The following TJP3 variants were observed in gnomAD, a reference collection of about 807,000 sequenced individuals.
TJP3 encodes tight junction protein 3.
TJP3 carries 85 observed loss-of-function variants against 104.2 expected under a neutral mutation model. The ratio of observed to expected loss-of-function variants is 0.82; its 90% CI spans 0.68 to 0.98. The LOEUF (loss-of-function observed/expected upper bound fraction) is 0.98, where lower values mean the gene tolerates loss of function less well. TJP3 is among the 50% of genes least tolerant of loss of function. TJP3 has a pLI of 0.00. For synonymous variants in TJP3, 550 were observed against 550.6 expected (o/e 1.00, Z 0.02); for missense variants, 1,367 against 1,322.8 (o/e 1.03, Z -0.52).
intron 6 of TJP3, among the ~76,000 whole-genome samples, chr19:3,732,658 C>T (rs112273250): frequency 0.097 from 14,741 of 151,938 alleles, 1,019 homozygotes; most frequent in South Asian, 0.25. Context: ...TACAGGTGCC[C>T]GCCACCACAC....
intron 6 of TJP3, among the ~76,000 whole-genome samples, chr19:3,732,865 G>T (rs2036689902): frequency 6.6e-6 from 1 of 151,508 alleles, no homozygotes; most frequent in African/African-American, 2.4e-5. Context: ...GGCTGGTCTC[G>T]AACTCCCGAC....
intron 1 of TJP3, among the ~76,000 whole-genome samples, 151 bp downstream of exon 1, chr19:3,708,712 G>A (rs905485487): frequency 2.0e-5 from 3 of 152,216 alleles, no homozygotes; most frequent in South Asian, 4.1e-4. Flanking sequence ...ACACTCCTGC[G>A]TGGGCATCTG....
intron 20 of TJP3, 72 bp downstream of exon 20, chr19:3,750,256 T>C: frequency 6.3e-7 from 1 of 1,597,132 alleles, no homozygotes; most frequent in Non-Finnish European, 8.6e-7. Flanking sequence ...GACTCAGATC[T>C]AGATCCAAGC....
At position 3,747,869 on chromosome 19, in the gene TJP3, G is replaced by A. The variant is rs776298852; in HGVS notation, c.2398G>A (p.Asp800Asn). The A allele has an allele frequency of 1.9e-5, 31 of 1,612,584 alleles. 1 individual carries two copies. The South Asian group carries it at 2.4e-4, about 13-fold the overall frequency. ...CGACAGCTCCGCTGACCTCAGCTGC[G>A]ACAGCCGCGTTAACAGCGACTACGA... is the stretch of plus-strand genomic sequence containing the variant. The part of the protein sequence containing the change: ...LADSSADLSC[D>N]SRVNSDYETD... The change falls in exon 19 of 21, where the codon GAC becomes AAC. Residue 800 changes from aspartate to asparagine, a missense_variant. Asp to Asn is a conservative substitution (Grantham distance 23). Transcript: ENST00000541714.
chr19:3,743,796 G>C (rs2036852023), intron 14 of TJP3, 143 bp from the exon 15 acceptor site: 2 of 681,432 alleles, frequency 2.9e-6, no homozygotes, highest in African/African-American at 3.6e-5. Context: ...AGGACACTGG[G>C]AGATGTAGTA....
At position 3,734,315 on chromosome 19, in the gene TJP3, C is replaced by T; in HGVS notation, c.878-12C>T. 6.2e-7 allele frequency: 1 copy of T among 1,613,250 alleles called. No individual in the cohort carries two copies. Among genetic ancestry groups the T allele is most frequent in the Non-Finnish European group, 8.5e-7 (1 of 1,179,730 alleles). On this transcript the variant is annotated splice_polypyrimidine_tract_variant and intron_variant, in intron 7 of 20. Coordinates refer to ENST00000541714, the MANE Select transcript of TJP3 (RefSeq NM_001267560.2). ...GTGACCATGGCTGATGAGATGTCCT[C>T]TCCCCCTGCAGACATCTCGGACCTC...
At chr19:3,750,301 G>A in intron 20 of TJP3, 117 bp downstream of exon 20, 1 of 1,397,926 alleles carries the variant, frequency 7.2e-7, no homozygotes. Flanking sequence ...TAGTGGGGAA[G>A]ACAGAGCCTG....
At chr19:3,713,465 C>T (rs2096110053) in intron 1 of TJP3, among the ~76,000 whole-genome samples, 4 of 152,214 alleles carry the variant, frequency 2.6e-5, no homozygotes, top group Non-Finnish European at 2.9e-5. Context: ...CACAGCCCAG[C>T]GGTGTCTAAG....
Position 3,738,613 on chromosome 19 carries a change from G to A in TJP3, c.1343G>A (p.Gly448Glu), listed in dbSNP as rs775997472. The A allele has an allele frequency of 5.6e-6, 9 of 1,613,852 alleles. No individual in the cohort carries two copies. Among genetic ancestry groups the A allele is most frequent in the Admixed American group, 1.7e-5 (1 of 59,998 alleles). Residue 448 changes from glycine to glutamate, a missense_variant, in exon 12 of 21, where the codon GGG becomes GAG. Transcript: ENST00000541714. ...GAGGAGGCAGTGCAGTTCCTGCTGG[G>A]GCTGCCACCAGGCGAGGAGATGGAG... ...TREEAVQFLLGLPPGEEMELV... is the reference protein window; with the variant it reads ...TREEAVQFLLELPPGEEMELV...
chr19:3,744,094 G>GT (rs2036855864), intron 15 of TJP3, 60 bp downstream of exon 15: 1 of 1,521,036 alleles, frequency 6.6e-7, no homozygotes, highest in African/African-American at 1.4e-5. Context: ...CTGTTTTTTT[G>GT]TGGGGGGTCG....
chr19:3,712,197 T>C (rs2036440536), intron 1 of TJP3, among the ~76,000 whole-genome samples: 1 of 152,192 alleles, frequency 6.6e-6, no homozygotes, highest in African/African-American at 2.4e-5. Context: ...GTGCCTATAA[T>C]TCCAGCTACT....
At chr19:3,710,536 G>A (rs1347985468) in intron 1 of TJP3, among the ~76,000 whole-genome samples, 1 of 152,208 alleles carries the variant, frequency 6.6e-6, no homozygotes, top group Non-Finnish European at 1.5e-5. Context: ...TGAGTCCCGG[G>A]GAAAGTCCAG....
chr19:3,725,196 AG>A (rs1599148217), intron 1 of TJP3, among the ~76,000 whole-genome samples: 1 of 152,172 alleles, frequency 6.6e-6, no homozygotes, highest in East Asian at 1.9e-4. Flanking sequence ...TGGGAGTTCA[AG>A]GCTGCAGTGA....
chr19:3,723,806 A>T lies in TJP3; in HGVS notation c.-9-4618A>T, dbSNP rs954624832. Among the ~76,000 whole-genome samples, 372 of 96,312 alleles carry T rather than the reference A, an allele frequency of 3.9e-3. 2 individuals are homozygous for T. Among genetic ancestry groups the T allele is most frequent in the African/African-American group, 0.011 (319 of 30,380 alleles). The allele number at this position is 96,312 out of a possible 152,430, so 63.2% of individuals were successfully genotyped here. A position where few individuals can be genotyped will look rare whatever the true frequency, so the allele number is the denominator to read the frequency against. On this transcript the variant is annotated intron_variant, in intron 1 of 20. Transcript: ENST00000541714. ...ACACTCTGTCTCAAAAGAAAAAAAA[A>T]AAATATATATATATATATATATAAA...
chr19:3,718,056 G>A (rs907342621), intron 1 of TJP3, among the ~76,000 whole-genome samples: 89 of 151,742 alleles, frequency 5.9e-4, no homozygotes, highest in Non-Finnish European at 1.0e-3. Flanking sequence ...TCTACTAAAA[G>A]TACAAAAATC....
intron 14 of TJP3, among the ~76,000 whole-genome samples, chr19:3,741,500 G>A (rs572084781): frequency 5.3e-5 from 8 of 149,846 alleles, no homozygotes; most frequent in African/African-American, 2.0e-4. Flanking sequence ...GGTGGCAGGC[G>A]CCTGTAATCC....
intron 1 of TJP3, among the ~76,000 whole-genome samples, chr19:3,719,719 C>T (rs1422386454): frequency 8.1e-6 from 1 of 122,800 alleles, no homozygotes; most frequent in African/African-American, 3.2e-5. Context: ...GGCGACAGAG[C>T]GAGACTCCGT....
Position 3,740,634 on chromosome 19 carries a change from G to C in TJP3, c.1714G>C (p.Ala572Pro). Residue 572 changes from alanine to proline, a missense_variant, in exon 14 of 21, where the codon GCC becomes CCC. Coordinates refer to ENST00000541714, the MANE Select transcript of TJP3 (RefSeq NM_001267560.2). ...CTCCTCCGCGGGCTCCAATGCTCGGGCCGAGTTCTGGCGGCTGCGGGGTCT... is the reference window on the plus strand; with the variant it reads ...CTCCTCCGCGGGCTCCAATGCTCGGCCCGAGTTCTGGCGGCTGCGGGGTCT... ...PGSSAGSNAR[A>P]EFWRLRGLRR... The C allele has an allele frequency of 6.3e-7, 1 of 1,596,254 alleles. No homozygotes were observed. The highest frequency in any genetic ancestry group is 1.1e-5 in the South Asian group (1 of 89,352).
Position 3,728,447 on chromosome 19 carries a change from C to A in TJP3, c.15C>A (p.Thr5=), listed in dbSNP as rs370891960. 1.8e-4 allele frequency: 298 copies of A among 1,613,914 alleles called. 1 individual carries two copies. The highest frequency in any genetic ancestry group is 2.4e-4 in the Non-Finnish European group (287 of 1,179,966). The change falls in exon 2 of 21, where the codon ACC becomes ACA. Residue 5 remains threonine (T), a synonymous_variant. Transcript: ENST00000541714. MEEL[T]IWEQHTATLS... is the part of the protein sequence containing the mutation. Reference sequence around the variant, plus strand: ...AGGTGGCTGACATGGAGGAGCTGACCATCTGGGAACAGCACACGGCCACAC... The same window carrying A: ...AGGTGGCTGACATGGAGGAGCTGACAATCTGGGAACAGCACACGGCCACAC...
Sources: allele counts gnomAD v4.1 joint callset (sites outside exome capture counted in the v4.1 genomes callset), GRCh38; gene constraint gnomAD v4.1.1; transcripts MANE v1.5; gene names NCBI Gene and HGNC (gene_info 2026-07-23, HGNC 2026-07-21).